The following ALK variants were observed in gnomAD, a reference collection of about 807,000 sequenced individuals.
ALK encodes ALK tyrosine kinase receptor.
Under a neutral mutation model 163.1 loss-of-function variants are expected in ALK, and 74 were observed. The observed-to-expected ratio is 0.45, with a 90% confidence interval of 0.38 to 0.55. The LOEUF (loss-of-function observed/expected upper bound fraction) is 0.55. Ranked by LOEUF, ALK falls within the 20% of genes least tolerant of loss-of-function variation. ALK has a pLI of 0.00. For missense variants in ALK, 2,063 were observed against 2,105.3 expected (o/e 0.98, Z 0.39); for synonymous variants, 960 against 843.2 (o/e 1.14, Z -2.40).
At chr2:29,500,080 G>T (rs1672128592) in intron 4 of ALK, among the ~76,000 whole-genome samples, 1 of 152,112 alleles carries the variant, frequency 6.6e-6, no homozygotes, top group African/African-American at 2.4e-5. Flanking sequence ...CCCCACAGTG[G>T]CTCCTTGGCC....
At chr2:29,816,092 T>C (rs1374181716) in intron 1 of ALK, among the ~76,000 whole-genome samples, 1 of 152,238 alleles carries the variant, frequency 6.6e-6, no homozygotes, top group Non-Finnish European at 1.5e-5. Context: ...GTACACATTA[T>C]GAATCTGCTG....
intron 1 of ALK, among the ~76,000 whole-genome samples, chr2:29,740,838 C>T (rs1164279930): frequency 6.6e-6 from 1 of 151,956 alleles, no homozygotes; most frequent in African/African-American, 2.4e-5. Flanking sequence ...CCTGTCTCTA[C>T]TAAAAACACA....
intron 3 of ALK, among the ~76,000 whole-genome samples, chr2:29,674,485 T>A (rs1677811416): frequency 6.7e-6 from 1 of 149,392 alleles, no homozygotes; most frequent in Non-Finnish European, 1.5e-5. Flanking sequence ...ATTTATTGAT[T>A]TGCGTATATT....
rs752568687 is a variant in ALK, at chr2:29,228,913, G to C, written c.2786C>G (p.Ser929Cys). 3.1e-6 allele frequency: 5 copies of C among 1,589,650 alleles called. No individual in the cohort carries two copies. The highest frequency in any genetic ancestry group is 1.7e-6 in the Non-Finnish European group (2 of 1,158,084). ...GGFGGGGGGC[S>C]SGGGGGGYIG... ...ATATCCTCCGCCTCCTCCACCTGAG[G>C]AGCACCCCCCTCCACCCCCTCCGAA... is the stretch of plus-strand genomic sequence containing the variant. The change falls in exon 16 of 29, where the codon TCC (serine) becomes TGC (cysteine). Residue 929 changes from serine (S) to cysteine (C), a missense_variant. By Grantham distance (112) the Ser-to-Cys change is moderately radical. Transcript: ENST00000389048.
chr2:29,740,828 C>G (rs563360543), intron 1 of ALK, among the ~76,000 whole-genome samples: 1 of 152,094 alleles, frequency 6.6e-6, no homozygotes, highest in South Asian at 2.1e-4. Context: ...ATAGTGAAAC[C>G]CTGTCTCTAC....
At chr2:29,308,021 G>A (rs1337256066) in intron 8 of ALK, among the ~76,000 whole-genome samples, 1 of 151,806 alleles carries the variant, frequency 6.6e-6, no homozygotes, top group Non-Finnish European at 1.5e-5. Context: ...TCTGGCTGGT[G>A]AGGTTATAAA....
At chr2:29,299,266 G>A (rs116102964) in intron 8 of ALK, among the ~76,000 whole-genome samples, 1,916 of 152,204 alleles carry the variant, frequency 0.013, 40 homozygotes, top group African/African-American at 0.044. Context: ...TTCTCCTGTT[G>A]ATCATGCTCA....
At chr2:29,766,493 C>A (rs1030383560) in intron 1 of ALK, among the ~76,000 whole-genome samples, 1 of 152,192 alleles carries the variant, frequency 6.6e-6, no homozygotes, top group Non-Finnish European at 1.5e-5. Flanking sequence ...TCTTCCCCAC[C>A]ACCTCCTGTT....
chr2:29,233,504 T>G, intron 14 of ALK, 61 bp downstream of exon 14: 1 of 1,611,802 alleles, frequency 6.2e-7, no homozygotes, highest in Non-Finnish European at 8.5e-7. Context: ...AGGGCTGTCA[T>G]GAGGCTCTGA....
At position 29,737,437 on chromosome 2, in the gene ALK, A is replaced by T. The variant is rs189948986; in HGVS notation, c.668-19740T>A. 6.6e-5 allele frequency among the ~76,000 whole-genome samples: 10 copies of T among 152,212 alleles called. No homozygotes were observed. The East Asian group carries it at 1.7e-3, about 26-fold the overall frequency. On this transcript the variant is annotated intron_variant, in intron 1 of 28. Coordinates refer to ENST00000389048, the MANE Select transcript of ALK (RefSeq NM_004304.5). ...TTTACATTTCATATATAGTTTAAAAAATGGGTCTGGATGTATGATTGCCCC... is the reference window on the plus strand; with the variant it reads ...TTTACATTTCATATATAGTTTAAAATATGGGTCTGGATGTATGATTGCCCC...
chr2:29,619,723 C>CAA (rs896941832), intron 3 of ALK, among the ~76,000 whole-genome samples: 1 of 152,224 alleles, frequency 6.6e-6, no homozygotes, highest in African/African-American at 2.4e-5. Flanking sequence ...AAGAGACCCT[C>CAA]AGAAGCTATC....
At chr2:29,377,054 TA>T (rs1158003335) in intron 5 of ALK, among the ~76,000 whole-genome samples, 1 of 152,234 alleles carries the variant, frequency 6.6e-6, no homozygotes, top group African/African-American at 2.4e-5. Context: ...AAATGGCCCA[TA>T]TTCAAAGTCT....
At chr2:29,918,095 T>C (rs1558548383) in intron 1 of ALK, among the ~76,000 whole-genome samples, 2 of 152,186 alleles carry the variant, frequency 1.3e-5, no homozygotes, top group Non-Finnish European at 2.9e-5. Flanking sequence ...TGGAGTATAT[T>C]CTTTAAATGA....
chr2:29,702,579 TTTCTTGATTGTATTAGTCTG>T (rs1477589070), intron 2 of ALK, among the ~76,000 whole-genome samples: 3 of 152,162 alleles, frequency 2.0e-5, no homozygotes, highest in Middle Eastern at 3.2e-3. Flanking sequence ...CCCTTCTAGG[TTTCTTGATTGTATTAGTCTG>T]TTCTCATGCT....
intron 12 of ALK, among the ~76,000 whole-genome samples, chr2:29,245,347 C>A (rs1664636963): frequency 7.6e-6 from 1 of 132,132 alleles, no homozygotes; most frequent in Admixed American, 7.6e-5. Context: ...CAGTGCCCTG[C>A]ACACAGTAGG....
chr2:29,515,578 G>A (rs950112361), intron 4 of ALK, among the ~76,000 whole-genome samples: 3 of 152,086 alleles, frequency 2.0e-5, no homozygotes, highest in Non-Finnish European at 4.4e-5. Context: ...TGGGGATAGG[G>A]GGAGGCATAA....
At chr2:29,427,411 G>A (rs1041827802) in intron 4 of ALK, among the ~76,000 whole-genome samples, 1 of 152,050 alleles carries the variant, frequency 6.6e-6, no homozygotes, top group East Asian at 1.9e-4. Context: ...GCATTAAAAA[G>A]TGGAGGGGAA....
intron 13 of ALK, among the ~76,000 whole-genome samples, chr2:29,234,257 G>T (rs1174545746): frequency 6.6e-6 from 1 of 152,152 alleles, no homozygotes; most frequent in Non-Finnish European, 1.5e-5. Flanking sequence ...TAAATTAGGT[G>T]GGTAGAGAGA....
intron 1 of ALK, among the ~76,000 whole-genome samples, chr2:29,822,432 T>G (rs1665073826): frequency 6.6e-6 from 1 of 152,182 alleles, no homozygotes; most frequent in African/African-American, 2.4e-5. Context: ...AAGTCTGAAT[T>G]CTGCCCATTT....
Sources: gnomAD v4.1 joint callset for allele counts (sites outside exome capture counted in the v4.1 genomes callset) on GRCh38, gnomAD v4.1.1 for gene constraint, MANE v1.5 for transcripts, NCBI Gene and HGNC (gene_info 2026-07-23, HGNC 2026-07-21) for gene names.